ANKH: variants seen among roughly 807,000 people sequenced by gnomAD.
The protein encoded by ANKH is ANKH inorganic pyrophosphate transport regulator, also known as mineralization regulator ANKH.
In ANKH, 15 loss-of-function variants were observed where a neutral mutation model predicts 49.0. The observed-to-expected ratio is 0.31, with a 90% CI of 0.20 to 0.47. ANKH has a LOEUF of 0.47. Among genes scored for constraint, ANKH ranks in the 20% least tolerant of loss-of-function variants. ANKH has a pLI of 1.00. For missense variants in ANKH, 429 were observed against 652.0 expected, an observed-to-expected ratio of 0.66 and a Z score of 3.72; for synonymous variants, 273 against 260.0, an observed-to-expected ratio of 1.05 and a Z score of -0.48.
chr5:14,788,558 A>G (rs183153049), intron 1 of ANKH, among the ~76,000 whole-genome samples: 1 of 152,302 alleles, frequency 6.6e-6, no homozygotes, highest in African/African-American at 2.4e-5. Context: ...TATATCCCCC[A>G]AAGCCTTAGA....
chr5:14,724,463 T>G (rs1381420993), intron 8 of ANKH: 1 of 779,454 alleles, frequency 1.3e-6, no homozygotes. Flanking sequence ...TGAAAAACTT[T>G]GACCACATAT....
intron 5 of ANKH, 68 bp downstream of exon 5, chr5:14,751,001 T>C: frequency 8.9e-6 from 14 of 1,580,926 alleles, no homozygotes; most frequent in South Asian, 4.5e-5. Flanking sequence ...TCATTTTACA[T>C]AGAGGTGGAA....
chr5:14,793,392 A>G (rs1275132363), intron 1 of ANKH, among the ~76,000 whole-genome samples: 1 of 152,014 alleles, frequency 6.6e-6, no homozygotes, highest in Non-Finnish European at 1.5e-5. Context: ...GGCTTTGCCC[A>G]GTAGCTCTTG....
intron 1 of ANKH, among the ~76,000 whole-genome samples, chr5:14,816,959 G>A (rs1741057341): frequency 6.6e-6 from 1 of 152,220 alleles, no homozygotes; most frequent in Non-Finnish European, 1.5e-5. Context: ...GCCGTGAGTT[G>A]CTGTTGGATA....
intron 1 of ANKH, among the ~76,000 whole-genome samples, chr5:14,866,323 A>T (rs1224777583): frequency 1.3e-5 from 2 of 152,246 alleles, no homozygotes; most frequent in Non-Finnish European, 2.9e-5. Flanking sequence ...TCCTTTGAGC[A>T]TGAAAGAGTA....
chr5:14,770,565 TTCTC>T lies in ANKH; in HGVS notation c.97-1378_97-1375del, dbSNP rs1238385846. Among the ~76,000 whole-genome samples the T allele has an allele frequency of 1.3e-5, 2 of 152,226 alleles. No homozygotes were observed. The highest frequency in any genetic ancestry group is 4.8e-5 in the African/African-American group (2 of 41,466). ...AATAAAAGTTTTATCAATGTGGTCT[TTCTC>T]TCAAAATATCTTACTGTACTCCTTG... is the stretch of plus-strand genomic sequence containing the variant. On this transcript the variant is annotated intron_variant, in intron 1 of 11. Coordinates refer to ENST00000284268, the MANE Select transcript of ANKH (RefSeq NM_054027.6). The surrounding 1 kb of genome is among the most constrained non-coding windows in gnomAD (Gnocchi z 4.1).
chr5:14,784,863 C>A (rs1430928543), intron 1 of ANKH, among the ~76,000 whole-genome samples: 2 of 152,062 alleles, frequency 1.3e-5, no homozygotes. Context: ...AGAAAAGGCA[C>A]TTGCTGAAGT....
intron 1 of ANKH, among the ~76,000 whole-genome samples, chr5:14,785,696 A>G (rs1739951700): frequency 6.6e-6 from 1 of 152,218 alleles, no homozygotes. Context: ...TTTAATATAA[A>G]TGTTAAGAGA....
rs969142779 is a variant in ANKH at position 14,712,520 on chromosome 5, T to C, written c.1365+354A>G. On this transcript the variant is annotated intron_variant, in intron 11 of 11. Coordinates refer to ENST00000284268, the MANE Select transcript of ANKH (RefSeq NM_054027.6). ...GTGTGCACAGCCACATTGGTATCAC[T>C]GTCCCCTCTCCCATCGGCAGCATCG... is the stretch of plus-strand genomic sequence containing the variant. 2.0e-5 allele frequency among the ~76,000 whole-genome samples: 3 copies of C among 152,368 alleles called. No homozygotes were observed. The East Asian group carries it at 5.8e-4, about 29-fold the overall frequency.
At chr5:14,711,453 CT>C in intron 11 of ANKH, 143 bp from the exon 12 acceptor site, 1 of 694,640 alleles carries the variant, frequency 1.4e-6, no homozygotes, top group Non-Finnish European at 2.6e-6. Flanking sequence ...GGCGTCACCT[CT>C]TTTGCATCTT....
rs536459046 is a variant in ANKH, at chr5:14,756,520, G to A, written c.433-576C>T. Among the ~76,000 whole-genome samples the A allele has an allele frequency of 2.6e-5, 4 of 152,270 alleles. No homozygotes were observed. The South Asian group carries it at 6.2e-4, about 24-fold the overall frequency. On this transcript the variant is annotated intron_variant, in intron 3 of 11. Coordinates refer to ENST00000284268, the MANE Select transcript of ANKH (RefSeq NM_054027.6). ...CTGGAGAAGGTTTCAAGTTCATGAC[G>A]GGCTCTGTTTAAGGATCATCCTTCT...
chr5:14,794,388 G>C lies in ANKH; in HGVS notation c.97-25197C>G, dbSNP rs569833135. Among the ~76,000 whole-genome samples, 11 of 152,380 alleles carry C rather than the reference G, an allele frequency of 7.2e-5. No individual in the cohort carries two copies. The East Asian group carries it at 1.9e-3, about 27-fold the overall frequency. On this transcript the variant is annotated intron_variant, in intron 1 of 11. Coordinates refer to ENST00000284268, the MANE Select transcript of ANKH (RefSeq NM_054027.6). ...TGAAGTGCAGAGAGGGGCCCTGGCC[G>C]TGAACGTGGGCTAAAGACAGCTCGG...
At chr5:14,820,862 C>T (rs1398841651) in intron 1 of ANKH, among the ~76,000 whole-genome samples, 2 of 152,156 alleles carry the variant, frequency 1.3e-5, no homozygotes, top group Non-Finnish European at 2.9e-5. Flanking sequence ...CTCTGGGAGG[C>T]CAAGGCAGGC....
chr5:14,837,651 C>A (rs1323795668), intron 1 of ANKH, among the ~76,000 whole-genome samples: 1 of 152,132 alleles, frequency 6.6e-6, no homozygotes, highest in Non-Finnish European at 1.5e-5. Context: ...TGTGGAGAAA[C>A]AGGAACACTT....
chr5:14,821,665 A>C (rs1207264344), intron 1 of ANKH, among the ~76,000 whole-genome samples: 1 of 152,272 alleles, frequency 6.6e-6, no homozygotes, highest in Non-Finnish European at 1.5e-5. Flanking sequence ...AGCTTGATAC[A>C]GTAAAAACAG....
chr5:14,834,076 G>A (rs1321719230), intron 1 of ANKH, among the ~76,000 whole-genome samples: 1 of 152,138 alleles, frequency 6.6e-6, no homozygotes, highest in Non-Finnish European at 1.5e-5. Context: ...TTAAAGTACA[G>A]GGGCAGACTT....
At chr5:14,775,608 G>A (rs1028574475) in intron 1 of ANKH, among the ~76,000 whole-genome samples, 9 of 152,150 alleles carry the variant, frequency 5.9e-5, no homozygotes, top group African/African-American at 1.4e-4. Context: ...AAGAGGTGAC[G>A]TTTGAGCTGG....
intron 8 of ANKH, among the ~76,000 whole-genome samples, chr5:14,722,758 A>C (rs1043401988): frequency 1.3e-5 from 2 of 152,170 alleles, no homozygotes; most frequent in African/African-American, 4.8e-5. Context: ...CTCCCCTCTA[A>C]GGTGGGTGGA....
chr5:14,712,449 G>T (rs1355392545), intron 11 of ANKH, among the ~76,000 whole-genome samples: 1 of 152,242 alleles, frequency 6.6e-6, no homozygotes, highest in Non-Finnish European at 1.5e-5. Flanking sequence ...CTCCGCCCAT[G>T]ACCAGAGAGG....
Sources: allele counts gnomAD v4.1 joint callset (sites outside exome capture counted in the v4.1 genomes callset), GRCh38; gene constraint gnomAD v4.1.1; non-coding constraint Gnocchi (gnomAD v3.1); transcripts MANE v1.5; gene names NCBI Gene and HGNC (gene_info 2026-07-23, HGNC 2026-07-21).